The following CHD9 variants were observed in gnomAD, a reference collection of about 807,000 sequenced individuals.
The protein encoded by CHD9 is chromodomain helicase DNA binding protein 9.
CHD9 carries 77 observed loss-of-function variants against 316.1 expected under a neutral mutation model. That is an observed-to-expected ratio of 0.24 (90% CI 0.20 to 0.29). The LOEUF is 0.29. CHD9 is among the 10% of genes least tolerant of loss of function. CHD9 has a pLI of 1.00. For missense variants in CHD9, 2,763 were observed against 3,438.1 expected (o/e 0.80, Z 4.91); for synonymous variants, 1,129 against 1,158.3 (o/e 0.97, Z 0.51).
chr16:53,272,647 AT>A, intron 22 of CHD9, among the ~76,000 whole-genome samples: 1 of 152,170 alleles, frequency 6.6e-6, no homozygotes, highest in East Asian at 1.9e-4. Flanking sequence ...ACCAGGATAA[AT>A]TTTTTAAAAG....
At chr16:53,280,163 A>G (rs1221277793) in intron 24 of CHD9, among the ~76,000 whole-genome samples, 1 of 152,218 alleles carries the variant, frequency 6.6e-6, no homozygotes, top group Non-Finnish European at 1.5e-5. Context: ...CAGCTATCCC[A>G]CTACTGGGTA....
At chr16:53,097,354 C>CCCTTCCTTCCTT (rs58688221) in intron 1 of CHD9, among the ~76,000 whole-genome samples, 344 of 92,126 alleles carry the variant, frequency 3.7e-3, no homozygotes, top group African/African-American at 0.015. Flanking sequence ...ACCTCGCTCT[C>CCCTTCCTTCCTT]CCTTCCTTCC....
intron 1 of CHD9, among the ~76,000 whole-genome samples, chr16:53,155,612 T>C (rs552369396): frequency 1.2e-4 from 19 of 152,296 alleles, no homozygotes; most frequent in African/African-American, 4.6e-4. Context: ...CAGAGTTGTT[T>C]ATCCATTACC....
intron 2 of CHD9, among the ~76,000 whole-genome samples, chr16:53,162,580 G>A (rs554702719): frequency 3.2e-4 from 49 of 152,006 alleles, no homozygotes; most frequent in African/African-American, 1.2e-3. Context: ...TATGAGGGAT[G>A]GCAGAACTGG....
chr16:53,055,184 T>G (rs1412389024), intron 1 of CHD9, 107 bp downstream of exon 1: 2 of 152,152 alleles, frequency 1.3e-5, no homozygotes, highest in Non-Finnish European at 2.9e-5. Context: ...ACCGGAGGAG[T>G]CGGGGCGGCA....
chr16:53,130,080 A>C (rs2039152600), intron 1 of CHD9, among the ~76,000 whole-genome samples: 1 of 152,192 alleles, frequency 6.6e-6, no homozygotes, highest in Non-Finnish European at 1.5e-5. Context: ...GTAACTGTGC[A>C]ATGGAGAACG....
rs2049989171 is a variant in CHD9 at position 53,249,892 on chromosome 16, T to C, written c.3687T>C (p.Asp1229=). The C allele has an allele frequency of 1.2e-6, 2 of 1,613,222 alleles. No individual in the cohort carries two copies. Among genetic ancestry groups the C allele is most frequent in the Admixed American group, 1.7e-5 (1 of 60,006 alleles). ...IHKRYLYERI[D]GRVRGNLRQA... ...ATAGATACTTATATGAGCGAATTGA[T>C]GGCAGAGTCAGAGGAAATCTTCGGC... The change falls in exon 17 of 39, where the codon GAT becomes GAC. Residue 1229 remains aspartate (D), a synonymous_variant. Transcript: ENST00000447540.
chr16:53,303,302 A>G (rs1015503992), intron 30 of CHD9, among the ~76,000 whole-genome samples: 8 of 151,928 alleles, frequency 5.3e-5, no homozygotes, highest in Admixed American at 2.6e-4. Flanking sequence ...AAAAGATTGG[A>G]CAACCCTGAA....
At position 53,072,320 on chromosome 16, in the gene CHD9, C is replaced by CTTT. The variant is rs35193137; in HGVS notation, c.-165+17254_-165+17256dup. 2.3e-3 allele frequency among the ~76,000 whole-genome samples: 328 copies of CTTT among 144,014 alleles called. 3 individuals are homozygous for CTTT. The highest frequency in any genetic ancestry group is 8.1e-3 in the African/African-American group (316 of 38,784). The allele number at this position is 144,014 out of a possible 152,430, so 94.5% of individuals were successfully genotyped here. Reference sequence around the variant, plus strand: ...CTACTTTGGAAGGAAAGCCATAAGTCTTTTTTTTTTTTTATAATTGGGATC... The same window carrying CTTT: ...CTACTTTGGAAGGAAAGCCATAAGTCTTTTTTTTTTTTTTTTATAATTGGGATC... On this transcript the variant is annotated intron_variant, in intron 1 of 38. Coordinates refer to ENST00000447540, the MANE Select transcript of CHD9 (RefSeq NM_001308319.2).
intron 2 of CHD9, among the ~76,000 whole-genome samples, chr16:53,199,519 T>C (rs1370794324): frequency 6.6e-6 from 1 of 152,194 alleles, no homozygotes; most frequent in Non-Finnish European, 1.5e-5. Flanking sequence ...ATTTGAATAG[T>C]GGTGAAGTTT....
At position 53,234,691 on chromosome 16, in the gene CHD9, C is replaced by T. The variant is rs991350947; in HGVS notation, c.2512-494C>T. 1.3e-5 allele frequency among the ~76,000 whole-genome samples: 2 copies of T among 152,150 alleles called. 1 individual carries two copies. Among genetic ancestry groups the T allele is most frequent in the Admixed American group, 1.3e-4 (2 of 15,258 alleles). On this transcript the variant is annotated intron_variant, in intron 10 of 38. Coordinates refer to ENST00000447540, the MANE Select transcript of CHD9 (RefSeq NM_001308319.2). ...TCCTAATCTCAAGCGATCCTCCCCACTTGGCCTCCAAAAGTGCTGGGATTT... is the reference window on the plus strand; with the variant it reads ...TCCTAATCTCAAGCGATCCTCCCCATTTGGCCTCCAAAAGTGCTGGGATTT...
intron 1 of CHD9, among the ~76,000 whole-genome samples, chr16:53,067,171 G>A (rs984653616): frequency 6.6e-6 from 1 of 152,118 alleles, no homozygotes; most frequent in African/African-American, 2.4e-5. Context: ...TTGAACTCCC[G>A]GGCTCATGCA....
intron 2 of CHD9, among the ~76,000 whole-genome samples, chr16:53,200,430 T>TC (rs1315227107): frequency 1.4e-5 from 2 of 147,924 alleles, no homozygotes; most frequent in East Asian, 4.0e-4. Context: ...ATACCTGTAA[T>TC]CCCCGCTACT....
chr16:53,157,348 A>C lies in CHD9; in HGVS notation c.1259A>C (p.Glu420Ala), dbSNP rs752446481. ...GAGGGTCTTCTTCCTCACTTTGATG[A>C]GTCAACATTCGGACAAGATAATTCA... ...LQEGLLPHFD[E>A]STFGQDNSSH... The change falls in exon 2 of 39, where the codon GAG (glutamate) becomes GCG (alanine). Residue 420 changes from glutamate to alanine, a missense_variant. Coordinates refer to ENST00000447540, the MANE Select transcript of CHD9 (RefSeq NM_001308319.2). 9 of 1,613,948 alleles carry C rather than the reference A, an allele frequency of 5.6e-6. No individual in the cohort carries two copies. The highest frequency in any genetic ancestry group is 7.6e-6 in the Non-Finnish European group (9 of 1,179,852).
intron 1 of CHD9, among the ~76,000 whole-genome samples, chr16:53,133,908 G>A (rs1009367842): frequency 6.6e-6 from 1 of 152,062 alleles, no homozygotes; most frequent in African/African-American, 2.4e-5. Flanking sequence ...GAATATAAGA[G>A]GCAAGAACTG....
intron 2 of CHD9, among the ~76,000 whole-genome samples, chr16:53,184,274 A>G (rs1001506544): frequency 1.3e-5 from 2 of 152,182 alleles, no homozygotes; most frequent in African/African-American, 4.8e-5. Flanking sequence ...AGAGATAGAT[A>G]TGGCACTAAA....
At chr16:53,239,504 T>C (rs763132279) in intron 12 of CHD9, among the ~76,000 whole-genome samples, 4 of 152,136 alleles carry the variant, frequency 2.6e-5, no homozygotes, top group Non-Finnish European at 4.4e-5. Flanking sequence ...TATTAAAATA[T>C]TTCAATAAAA....
chr16:53,160,227 T>C (rs1393883460), intron 2 of CHD9, among the ~76,000 whole-genome samples: 1 of 152,234 alleles, frequency 6.6e-6, no homozygotes, highest in Non-Finnish European at 1.5e-5. Context: ...TTTTTAAACA[T>C]TTTATTCTCC....
In CHD9 at chr16:53,126,378, A is replaced by C. The variant is rs562848502; in HGVS notation, c.-164-29548A>C. Among the ~76,000 whole-genome samples, 7 of 152,270 alleles carry C rather than the reference A, an allele frequency of 4.6e-5. No individual in the cohort carries two copies. The East Asian group carries it at 7.7e-4, about 17-fold the overall frequency. ...CAATTGACCATAAATGTAAGAGTTT[A>C]TTTCTGGATTCTATAGTTTATTCCA... On this transcript the variant is annotated intron_variant, in intron 1 of 38. Transcript: ENST00000447540.
Sources: gnomAD v4.1 joint callset for allele counts (sites outside exome capture counted in the v4.1 genomes callset) on GRCh38, gnomAD v4.1.1 for gene constraint, MANE v1.5 for transcripts, NCBI Gene and HGNC (gene_info 2026-07-23, HGNC 2026-07-21) for gene names.